Variants in ULK4 observed in about 807,000 individuals in gnomAD.
ULK4 encodes unc-51 like kinase 4.
In ULK4, 133 loss-of-function variants were observed where a neutral mutation model predicts 160.6. The ratio of observed to expected loss-of-function variants is 0.83; its 90% CI spans 0.72 to 0.96. ULK4 has a LOEUF of 0.96. ULK4 is among the 40% of genes least tolerant of loss of function. ULK4 has a pLI of 0.00. For synonymous variants in ULK4, 534 were observed against 539.8 expected (o/e 0.99, Z 0.15); for missense variants, 1,580 against 1,499.5 (o/e 1.05, Z -0.89).
chr3:41,825,903 C>T (rs377358463), intron 18 of ULK4, among the ~76,000 whole-genome samples: 1 of 152,096 alleles, frequency 6.6e-6, no homozygotes, highest in South Asian at 2.1e-4. Flanking sequence ...TAAGGGCAGC[C>T]AGAGAGAAAG....
chr3:41,560,649 A>G (rs186648387), intron 32 of ULK4, among the ~76,000 whole-genome samples: 1,593 of 152,234 alleles, frequency 0.01, 9 homozygotes, highest in Non-Finnish European at 0.016. Context: ...TTCACTTATG[A>G]TTTGGTTCTC....
intron 27 of ULK4, among the ~76,000 whole-genome samples, chr3:41,682,162 A>C (rs1694333299): frequency 6.6e-6 from 1 of 152,184 alleles, no homozygotes. Context: ...AGTTTAACCT[A>C]AACAACAATC....
intron 33 of ULK4, among the ~76,000 whole-genome samples, chr3:41,456,660 G>T (rs907976313): frequency 5.3e-5 from 8 of 152,070 alleles, no homozygotes; most frequent in Non-Finnish European, 1.0e-4. Context: ...AAATGGTATG[G>T]ATTATTTTTT....
At chr3:41,446,067 T>C (rs531354174) in intron 34 of ULK4, among the ~76,000 whole-genome samples, 143 of 152,188 alleles carry the variant, frequency 9.4e-4, no homozygotes, top group African/African-American at 3.4e-3. Context: ...GGGAGAAGGA[T>C]ATGAACAGAC....
rs946136454 is a variant in ULK4, at chr3:41,682,358, C to A, written c.2782-554G>T. Among the ~76,000 whole-genome samples the A allele has an allele frequency of 2.0e-5, 3 of 152,064 alleles. 1 individual carries two copies. The highest frequency in any genetic ancestry group is 7.2e-5 in the African/African-American group (3 of 41,390). On this transcript the variant is annotated intron_variant, in intron 27 of 36. Transcript: ENST00000301831. The stretch of plus-strand genomic sequence containing the variant: ...TCAAATATGGTTTAAAACTTAACCC[C>A]AAAAAACAAGTATTTTCCTCCAAAA...
chr3:41,472,574 A>G (rs1217278077), intron 32 of ULK4, among the ~76,000 whole-genome samples: 3 of 134,742 alleles, frequency 2.2e-5, no homozygotes, highest in African/African-American at 9.7e-5. Flanking sequence ...CAAAAAAAAG[A>G]AAAAAAAAAA....
intron 31 of ULK4, among the ~76,000 whole-genome samples, chr3:41,569,998 C>T (rs57161516): frequency 0.035 from 5,319 of 152,224 alleles, 299 homozygotes; most frequent in African/African-American, 0.12. Flanking sequence ...GCCCCATGAC[C>T]TTCTAGATGG....
At chr3:41,726,534 A>G (rs1259170018) in intron 22 of ULK4, among the ~76,000 whole-genome samples, 3 of 152,262 alleles carry the variant, frequency 2.0e-5, no homozygotes, top group East Asian at 1.9e-4. Flanking sequence ...CTACAAGGGT[A>G]TATCAAGTTA....
intron 21 of ULK4, among the ~76,000 whole-genome samples, chr3:41,772,891 C>A (rs1244302608): frequency 6.6e-6 from 1 of 152,158 alleles, no homozygotes; most frequent in East Asian, 1.9e-4. Flanking sequence ...TGGGCTTCAT[C>A]CCTGGGATGC....
intron 34 of ULK4, among the ~76,000 whole-genome samples, chr3:41,454,539 C>CA (rs11286615): frequency 0.027 from 2,452 of 90,686 alleles, 69 homozygotes; most frequent in African/African-American, 0.082. Flanking sequence ...GACTTCATCT[C>CA]AAAAAAAAAA....
chr3:41,513,706 A>G (rs556673384), intron 32 of ULK4, among the ~76,000 whole-genome samples: 36 of 152,326 alleles, frequency 2.4e-4, no homozygotes, highest in African/African-American at 8.2e-4. Flanking sequence ...AAGTAAAGTA[A>G]CTCAGGAATA....
At chr3:41,919,847 G>C in intron 5 of ULK4, 29 bp from the exon 6 acceptor site, 1 of 1,541,896 alleles carries the variant, frequency 6.5e-7, no homozygotes. Flanking sequence ...GAACAGCTCG[G>C]TTAGGCATTT....
At chr3:41,490,187 G>A (rs1262623029) in intron 32 of ULK4, among the ~76,000 whole-genome samples, 1 of 152,040 alleles carries the variant, frequency 6.6e-6, no homozygotes, top group Non-Finnish European at 1.5e-5. Context: ...AGTTCTCTCT[G>A]CCTCTGATCT....
At chr3:41,438,697 C>A (rs1204860048) in intron 34 of ULK4, among the ~76,000 whole-genome samples, 1 of 151,828 alleles carries the variant, frequency 6.6e-6, no homozygotes, top group South Asian at 2.1e-4. Flanking sequence ...CATTGTGGTG[C>A]ATGCATGTAG....
At chr3:41,340,472 G>C (rs948972142) in intron 35 of ULK4, among the ~76,000 whole-genome samples, 1 of 152,202 alleles carries the variant, frequency 6.6e-6, no homozygotes, top group Non-Finnish European at 1.5e-5. Flanking sequence ...TCATTCATTT[G>C]TTCATTTGAG....
chr3:41,690,093 A>G (rs1386183955), intron 27 of ULK4, among the ~76,000 whole-genome samples: 22 of 139,658 alleles, frequency 1.6e-4, no homozygotes, highest in South Asian at 4.7e-4. Context: ...CATATACACC[A>G]TGGAATACTA....
intron 35 of ULK4, among the ~76,000 whole-genome samples, chr3:41,323,006 C>T (rs1393322577): frequency 2.6e-5 from 4 of 151,812 alleles, no homozygotes; most frequent in African/African-American, 7.3e-5. Context: ...GGCCCAATCT[C>T]GGCTCACCGC....
intron 34 of ULK4, among the ~76,000 whole-genome samples, chr3:41,438,761 A>G (rs1370063922): frequency 1.3e-5 from 2 of 152,092 alleles, no homozygotes; most frequent in African/African-American, 4.8e-5. Context: ...CAGGAGTTCG[A>G]GGCTGCCATG....
intron 20 of ULK4, among the ~76,000 whole-genome samples, chr3:41,796,369 T>C (rs2040300699): frequency 1.3e-5 from 2 of 151,878 alleles, no homozygotes; most frequent in African/African-American, 4.8e-5. Context: ...GGCAGACAGA[T>C]CACAAGGTCA....
Sources: gnomAD v4.1 joint callset for allele counts (sites outside exome capture counted in the v4.1 genomes callset) on GRCh38, gnomAD v4.1.1 for gene constraint, MANE v1.5 for transcripts, NCBI Gene and HGNC (gene_info 2026-07-23, HGNC 2026-07-21) for gene names.